The following GPD1 variants were observed in gnomAD, a reference collection of about 807,000 sequenced individuals.
GPD1 encodes glycerol-3-phosphate dehydrogenase 1, also known as glycerol-3-phosphate dehydrogenase [NAD(+)], cytoplasmic.
Under a neutral mutation model 34.4 loss-of-function variants are expected in GPD1, and 19 were observed. The ratio of observed to expected loss-of-function variants is 0.55; its 90% CI spans 0.39 to 0.81. The LOEUF is 0.81. Among genes scored for constraint, GPD1 ranks in the 30% least tolerant of loss-of-function variants. The probability of loss-of-function intolerance (pLI) is 0.00; values close to 1 mark genes in which losing one functional copy is unlikely to be tolerated. For synonymous variants in GPD1, 172 were observed against 174.1 expected (o/e 0.99, Z 0.09); for missense variants, 429 against 447.0 (o/e 0.96, Z 0.36).
intron 2 of GPD1, chr12:50,105,123 C>A: frequency 3.5e-6 from 1 of 289,754 alleles, no homozygotes. Flanking sequence ...TGGTCAAATC[C>A]ACGTGGCTCT....
Position 50,108,123 on chromosome 12 carries a change from G to A in GPD1, c.946G>A (p.Val316Ile). The change falls in exon 7 of 8, where the codon GTA (valine) becomes ATA (isoleucine). Residue 316 changes from valine (V) to isoleucine (I), a missense_variant. Transcript: ENST00000301149. ...CAGCATCCTCCAGCACAAGGGCCTG[G>A]TAGACAAGTAAGTATTGGCCACAGC... Reference protein sequence around the residue: ...LYSILQHKGLVDKFPLFMAVY... With the variant: ...LYSILQHKGLIDKFPLFMAVY... The A allele has an allele frequency of 6.3e-7, 1 of 1,589,866 alleles. No individual in the cohort carries two copies. The highest frequency in any genetic ancestry group is 8.6e-7 in the Non-Finnish European group (1 of 1,159,108).
At chr12:50,105,005 G>A in intron 2 of GPD1, 2 of 505,608 alleles carry the variant, frequency 4.0e-6, no homozygotes, top group South Asian at 5.3e-5. Context: ...GCCAAAGACT[G>A]GGCTCCCAGA....
Position 50,109,675 on chromosome 12 carries a change from C to A in GPD1, c.*156C>A. The A allele has an allele frequency of 1.7e-6, 1 of 588,966 alleles. No homozygotes were observed. Among genetic ancestry groups the A allele is most frequent in the Non-Finnish European group, 3.0e-6 (1 of 327,994 alleles). 36.5% of individuals were successfully genotyped at this position (588,966 alleles called of 1,614,324 possible). A position where few individuals can be genotyped will look rare whatever the true frequency, so the allele number is the denominator to read the frequency against. On this transcript the variant is annotated 3_prime_UTR_variant, in exon 8 of 8. Transcript: ENST00000301149. ...GGAGGCTATGGGGCCCAGCTACGCA[C>A]CTGGAGATCCTGAACTGTCAAGCCA...
Position 50,105,674 on chromosome 12 carries a change from A to G in GPD1, c.346A>G (p.Ile116Val), listed in dbSNP as rs1024035022. ...CCATCTGAAGGCAAACGCCACTGGC[A>G]TATCTCTTATTAAGGTGCCAGGGAC... ...KGHLKANATG[I>V]SLIKGVDEGP... is the part of the protein sequence containing the mutation. The change falls in exon 3 of 8, where the codon ATA (isoleucine) becomes GTA (valine). Residue 116 changes from isoleucine to valine, a missense_variant. Physicochemically the swap from Ile to Val is conservative, Grantham distance 29. Coordinates refer to ENST00000301149, the MANE Select transcript of GPD1 (RefSeq NM_005276.4). 1.9e-6 allele frequency: 3 copies of G among 1,614,094 alleles called. No individual in the cohort carries two copies. Among genetic ancestry groups the G allele is most frequent in the African/African-American group, 2.7e-5 (2 of 74,938 alleles).
At chr12:50,109,042 G>C (rs151072203) in intron 7 of GPD1, among the ~76,000 whole-genome samples, 1,795 of 151,748 alleles carry the variant, frequency 0.012, 37 homozygotes, top group Admixed American at 0.059. Flanking sequence ...GGCTGATGCA[G>C]GAGAATCGCT....
Position 50,110,362 on chromosome 12 carries a change from A to G in GPD1, c.*843A>G, listed in dbSNP as rs879371267. On this transcript the variant is annotated 3_prime_UTR_variant, in exon 8 of 8. Transcript: ENST00000301149. Reference sequence around the variant, plus strand: ...ATCTGCTGACAGAGCTACACCTTTCATAACAGGCTCAGATCACTCAGCTCC... The same window carrying G: ...ATCTGCTGACAGAGCTACACCTTTCGTAACAGGCTCAGATCACTCAGCTCC... 6.5e-6 allele frequency: 1 copy of G among 152,746 alleles called. No homozygotes were observed. Among genetic ancestry groups the G allele is most frequent in the African/African-American group, 2.4e-5 (1 of 41,456 alleles). The allele number at this position is 152,746 out of a possible 1,614,324, so 9.5% of individuals were successfully genotyped here. A position where few individuals can be genotyped will look rare whatever the true frequency, so the allele number is the denominator to read the frequency against.
At chr12:50,108,278 CAG>C in intron 7 of GPD1, 148 bp downstream of exon 7, 1 of 629,416 alleles carries the variant, frequency 1.6e-6, no homozygotes, top group South Asian at 1.9e-5. Context: ...CCAGAGCTTG[CAG>C]AGTCTGGCAT....
rs77437968 is a variant in GPD1 at position 50,108,341 on chromosome 12, T to G, written c.953+211T>G. Among the ~76,000 whole-genome samples the G allele has an allele frequency of 9.3e-3, 1,420 of 152,324 alleles. 12 individuals carry two copies. The highest frequency in any genetic ancestry group is 0.033 in the African/African-American group (1,367 of 41,562). ...GGTCTTTGAACTCCTTCCAGTCTAG[T>G]GCTCTTCACACTACATTACCTGGAT... On this transcript the variant is annotated intron_variant, in intron 7 of 7. Coordinates refer to ENST00000301149, the MANE Select transcript of GPD1 (RefSeq NM_005276.4).
chr12:50,104,591 AGATCGTGGGT>A lies in GPD1; in HGVS notation c.61_70del (p.Ile21AlafsTer13). 2 of 1,613,774 alleles carry A rather than the reference AGATCGTGGGT, an allele frequency of 1.2e-6. No homozygotes were observed. The highest frequency in any genetic ancestry group is 1.7e-6 in the Non-Finnish European group (2 of 1,179,674). ...CCCACCAGGGGCTCAGCCATCGCCA[AGATCGTGGGT>A]GGCAATGCAGCCCAGCTGGCACAGT... On this transcript the variant is annotated frameshift_variant, in exon 2 of 8. Coordinates refer to ENST00000301149, the MANE Select transcript of GPD1 (RefSeq NM_005276.4). LOFTEE classifies it high-confidence loss of function.
intron 2 of GPD1, chr12:50,105,107 G>C (rs982218468): frequency 6.6e-6 from 2 of 301,998 alleles, no homozygotes; most frequent in African/African-American, 2.1e-5. Context: ...TTGGACTTAC[G>C]GTCTTTGGTC....
At position 50,109,947 on chromosome 12, in the gene GPD1, G is replaced by A. The variant is rs1043525424; in HGVS notation, c.*428G>A. On this transcript the variant is annotated 3_prime_UTR_variant, in exon 8 of 8. Coordinates refer to ENST00000301149, the MANE Select transcript of GPD1 (RefSeq NM_005276.4). ...GAAGAAGTATCTTAGCCACAGGAGC[G>A]ATGAGGCAAGGATTGTCAGGGAGGG... 6 of 165,604 alleles carry A rather than the reference G, an allele frequency of 3.6e-5. No individual in the cohort carries two copies. The highest frequency in any genetic ancestry group is 9.6e-5 in the African/African-American group (4 of 41,836). The allele number at this position is 165,604 out of a possible 1,614,324, so 10.3% of individuals were successfully genotyped here. A position where few individuals can be genotyped will look rare whatever the true frequency, so the allele number is the denominator to read the frequency against.
chr12:50,106,944 G>A lies in GPD1; in HGVS notation c.612+27G>A, dbSNP rs796860665. The A allele has an allele frequency of 1.1e-5, 15 of 1,412,330 alleles. No homozygotes were observed. The African/African-American group carries it at 2.1e-4, about 20-fold the overall frequency. The allele number at this position is 1,412,330 out of a possible 1,614,324, so 87.5% of individuals were successfully genotyped here. Reference sequence around the variant, plus strand: ...TGAGAGGGGCACAGAGGCAGCTATGGGGTGAGGAGAAGGCCCCAAAGGAGG... The same window carrying A: ...TGAGAGGGGCACAGAGGCAGCTATGAGGTGAGGAGAAGGCCCCAAAGGAGG... On this transcript the variant is annotated intron_variant, in intron 5 of 7. Coordinates refer to ENST00000301149, the MANE Select transcript of GPD1 (RefSeq NM_005276.4).
intron 3 of GPD1, 61 bp downstream of exon 3, chr12:50,105,749 G>C: frequency 1.3e-6 from 2 of 1,553,056 alleles, no homozygotes; most frequent in South Asian, 2.2e-5. Context: ...GGGGTTCAGG[G>C]TGGGTGAAGC....
At chr12:50,104,514 G>T (rs1462963862) in intron 1 of GPD1, 60 bp from the exon 2 acceptor site, 6 of 1,351,738 alleles carry the variant, frequency 4.4e-6, no homozygotes, top group Non-Finnish European at 6.4e-6. Flanking sequence ...GTGGGGCGCT[G>T]CCCCAACTCC....
At chr12:50,109,311 T>C in intron 7 of GPD1, 112 bp from the exon 8 acceptor site, 1 of 676,706 alleles carries the variant, frequency 1.5e-6, no homozygotes, top group Admixed American at 2.1e-5. Flanking sequence ...CCATCCTTCC[T>C]GAGCTCCAAG....
chr12:50,107,806 C>T lies in GPD1; in HGVS notation c.846+6C>T, dbSNP rs749652088. On this transcript the variant is annotated splice_donor_region_variant and intron_variant, in intron 6 of 7. Coordinates refer to ENST00000301149, the MANE Select transcript of GPD1 (RefSeq NM_005276.4). Reference sequence around the variant, plus strand: ...CCTTTGCGCGTACAGGAAAGGTGGGCCCCGGGAGAAGGGAGAACAGAGGGG... The same window carrying T: ...CCTTTGCGCGTACAGGAAAGGTGGGTCCCGGGAGAAGGGAGAACAGAGGGG... 1 of 1,596,052 alleles carries T rather than the reference C, an allele frequency of 6.3e-7. No homozygotes were observed. The highest frequency in any genetic ancestry group is 8.6e-7 in the Non-Finnish European group (1 of 1,163,544).
intron 4 of GPD1, 58 bp from the exon 5 acceptor site, chr12:50,106,747 A>C: frequency 9.9e-7 from 1 of 1,006,534 alleles, no homozygotes; most frequent in Non-Finnish European, 1.5e-6. Context: ...ATCTCTATAA[A>C]ATAAATATTT....
Position 50,105,598 on chromosome 12 carries a change from C to T in GPD1, c.270C>T (p.Ile90=). ...CTGCAGAGGATGCTGACATCCTGATCTTTGTGGTGCCCCATCAGTTCATCG... is the reference window on the plus strand; with the variant it reads ...CTGCAGAGGATGCTGACATCCTGATTTTTGTGGTGCCCCATCAGTTCATCG... The part of the protein sequence containing the change: ...VQAAEDADIL[I]FVVPHQFIGK... The change falls in exon 3 of 8, where the codon ATC becomes ATT. Residue 90 remains isoleucine, a synonymous_variant. Transcript: ENST00000301149. 5 of 1,614,178 alleles carry T rather than the reference C, an allele frequency of 3.1e-6. No homozygotes were observed. Among genetic ancestry groups the T allele is most frequent in the East Asian group, 2.2e-5 (1 of 44,884 alleles).
chr12:50,104,212 A>G (rs1279081748), intron 1 of GPD1, 121 bp downstream of exon 1: 32 of 959,990 alleles, frequency 3.3e-5, no homozygotes, highest in African/African-American at 8.0e-5. Flanking sequence ...GCTATCTTCT[A>G]TCATAGCAGC....
Sources: allele counts gnomAD v4.1 joint callset (sites outside exome capture counted in the v4.1 genomes callset), GRCh38; gene constraint gnomAD v4.1.1; transcripts MANE v1.5; gene names NCBI Gene and HGNC (gene_info 2026-07-23, HGNC 2026-07-21).